The following DNAH7 variants were observed in gnomAD, a reference collection of about 807,000 sequenced individuals.
DNAH7 encodes dynein axonemal heavy chain 7.
A neutral mutation model predicts 444.6 loss-of-function variants in DNAH7; 397 were observed. The observed-to-expected ratio is 0.89, with a 90% CI of 0.82 to 0.97. The LOEUF (loss-of-function observed/expected upper bound fraction) is 0.97. Ranked by LOEUF, DNAH7 falls within the 50% of genes least tolerant of loss-of-function variation. The pLI, the probability that DNAH7 is intolerant of heterozygous loss-of-function variation, is 0.00. For missense variants in DNAH7, 4,902 were observed against 4,800.8 expected (o/e 1.02, Z -0.62); for synonymous variants, 1,636 against 1,624.4 (o/e 1.01, Z -0.17).
chr2:195,834,518 G>T, intron 47 of DNAH7, 158 bp from the exon 48 acceptor site: 1 of 710,408 alleles, frequency 1.4e-6, no homozygotes, highest in Non-Finnish European at 2.1e-6. Flanking sequence ...ACAGAGACGT[G>T]TAGATTGAGT....
chr2:195,975,233 T>G (rs1200638972), intron 15 of DNAH7, among the ~76,000 whole-genome samples: 1 of 152,146 alleles, frequency 6.6e-6, no homozygotes, highest in African/African-American at 2.4e-5. Flanking sequence ...GAATTGTGGA[T>G]GCCATCCCTC....
At chr2:195,868,586 T>C (rs1308841459) in intron 40 of DNAH7, among the ~76,000 whole-genome samples, 1 of 150,524 alleles carries the variant, frequency 6.6e-6, no homozygotes, top group African/African-American at 2.5e-5. Flanking sequence ...GTTCTTTATG[T>C]ATTGTGGATA....
chr2:195,993,050 G>A (rs1574970879), intron 12 of DNAH7, among the ~76,000 whole-genome samples: 1 of 152,316 alleles, frequency 6.6e-6, no homozygotes, highest in East Asian at 1.9e-4. Context: ...ACCCCATCCT[G>A]AGAAGTGGTC....
At chr2:196,067,151 G>C (rs1443365333) in intron 1 of DNAH7, among the ~76,000 whole-genome samples, 2 of 152,082 alleles carry the variant, frequency 1.3e-5, no homozygotes, top group Non-Finnish European at 2.9e-5. Flanking sequence ...AGAACTTAAC[G>C]GCTGGTGGGT....
chr2:195,794,126 C>G (rs1696023506), intron 57 of DNAH7, among the ~76,000 whole-genome samples: 2 of 152,140 alleles, frequency 1.3e-5, no homozygotes, highest in South Asian at 2.1e-4. Context: ...AAGATCTCAG[C>G]TGAGCAGGAA....
intron 46 of DNAH7, among the ~76,000 whole-genome samples, chr2:195,850,198 C>T (rs1041594980): frequency 6.6e-6 from 1 of 151,246 alleles, no homozygotes; most frequent in African/African-American, 2.4e-5. Context: ...TGGAGGACTC[C>T]GAACAAGCAT....
At chr2:195,865,054 T>C in intron 40 of DNAH7, 33 bp from the exon 41 acceptor site, 2 of 1,521,010 alleles carry the variant, frequency 1.3e-6, no homozygotes, top group Non-Finnish European at 1.7e-6. Context: ...CTTTAGAAAC[T>C]TTCTTCTGAT....
intron 14 of DNAH7, among the ~76,000 whole-genome samples, chr2:195,986,838 C>T (rs1692943732): frequency 6.6e-6 from 1 of 151,960 alleles, no homozygotes; most frequent in Non-Finnish European, 1.5e-5. Context: ...ATTTTAATAC[C>T]ACCTTAACTC....
intron 34 of DNAH7, 111 bp downstream of exon 34, chr2:195,886,030 G>T (rs1701687285): frequency 7.8e-7 from 1 of 1,275,636 alleles, no homozygotes; most frequent in Non-Finnish European, 1.1e-6. Context: ...ACCACCCGTT[G>T]ACTAGTCTCC....
chr2:195,843,618 T>C (rs1211718245), intron 47 of DNAH7, among the ~76,000 whole-genome samples: 1 of 152,196 alleles, frequency 6.6e-6, no homozygotes, highest in African/African-American at 2.4e-5. Context: ...TAACTACTCC[T>C]TTAACTTACC....
chr2:196,064,785 T>C (rs909666524), intron 1 of DNAH7, among the ~76,000 whole-genome samples: 1 of 152,206 alleles, frequency 6.6e-6, no homozygotes, highest in Non-Finnish European at 1.5e-5. Flanking sequence ...CACAGCTGTA[T>C]AGTACTCTGT....
Position 195,995,093 on chromosome 2 carries a change from C to A in DNAH7, c.1353+5611G>T. 3 of 254,300 alleles carry A rather than the reference C, an allele frequency of 1.2e-5. No individual in the cohort carries two copies. In the South Asian group the frequency reaches 1.4e-4, roughly 12 times the overall value. 15.8% of individuals were successfully genotyped at this position (254,300 alleles called of 1,614,324 possible). On this transcript the variant is annotated intron_variant, in intron 12 of 64. Transcript: ENST00000312428. ...TACAGGCACACACCACCATGCCCAGCTAATTTTTGTATTTTTAGTAGAGAC... is the reference window on the plus strand; with the variant it reads ...TACAGGCACACACCACCATGCCCAGATAATTTTTGTATTTTTAGTAGAGAC...
chr2:195,757,352 T>C (rs532460465), intron 61 of DNAH7, among the ~76,000 whole-genome samples: 12 of 152,352 alleles, frequency 7.9e-5, no homozygotes, highest in African/African-American at 2.2e-4. Context: ...TGAAGTCTAG[T>C]TGACCATTTC....
chr2:195,812,672 G>A (rs558161461), intron 51 of DNAH7, among the ~76,000 whole-genome samples: 120 of 152,170 alleles, frequency 7.9e-4, no homozygotes, highest in Middle Eastern at 3.4e-3. Context: ...AAACAAGAAT[G>A]AAATACATTT....
At chr2:196,025,443 C>T (rs1228792265) in intron 7 of DNAH7, among the ~76,000 whole-genome samples, 1 of 152,086 alleles carries the variant, frequency 6.6e-6, no homozygotes, top group South Asian at 2.1e-4. Context: ...GCATATAAAG[C>T]CCTTCAGATT....
In DNAH7 at chr2:195,886,231, T is replaced by C. The variant is rs1332711666; in HGVS notation, c.5448A>G (p.Leu1816=). ...CCATAAAACAGTCTATTAGATTCATTAAGGACCGGACCAAGTTTGTATCGG... is the reference window on the plus strand; with the variant it reads ...CCATAAAACAGTCTATTAGATTCATCAAGGACCGGACCAAGTTTGTATCGG... ...PTSDTNLVRS[L]MNLIDCFMDD... The change falls in exon 34 of 65, where the codon TTA becomes TTG. Residue 1816 remains leucine, a synonymous_variant. Coordinates refer to ENST00000312428, the MANE Select transcript of DNAH7 (RefSeq NM_018897.3). The C allele has an allele frequency of 2.5e-6, 4 of 1,613,552 alleles. No homozygotes were observed. Among genetic ancestry groups the C allele is most frequent in the Admixed American group, 1.7e-5 (1 of 59,958 alleles).
intron 24 of DNAH7, among the ~76,000 whole-genome samples, chr2:195,917,101 C>CAAAA (rs34903739): frequency 2.6e-4 from 14 of 53,370 alleles, no homozygotes; most frequent in African/African-American, 3.9e-4. Context: ...GACTCCACCT[C>CAAAA]AAAAAAAAAA....
intron 24 of DNAH7, among the ~76,000 whole-genome samples, chr2:195,915,299 G>C (rs574662664): frequency 1.3e-5 from 2 of 152,296 alleles, no homozygotes; most frequent in Admixed American, 6.5e-5. Flanking sequence ...GATTAAGTAG[G>C]AGTTAGTTGT....
At chr2:195,738,688 A>C (rs1306883804) in intron 64 of DNAH7, among the ~76,000 whole-genome samples, 1 of 152,180 alleles carries the variant, frequency 6.6e-6, no homozygotes, top group Non-Finnish European at 1.5e-5. Flanking sequence ...TTGTTATTAG[A>C]CCTCATCAAT....
Sources: gnomAD v4.1 joint callset for allele counts (sites outside exome capture counted in the v4.1 genomes callset) on GRCh38, gnomAD v4.1.1 for gene constraint, MANE v1.5 for transcripts, NCBI Gene and HGNC (gene_info 2026-07-23, HGNC 2026-07-21) for gene names.